Variants in LIG1 observed in about 807,000 individuals in gnomAD.
LIG1 encodes ligase I, DNA, ATP-dependent.
Under a neutral mutation model 115.7 loss-of-function variants are expected in LIG1, and 70 were observed. The observed-to-expected ratio is 0.60, with a 90% CI of 0.50 to 0.74. The LOEUF is 0.74. Ranked by LOEUF, LIG1 falls within the 30% of genes least tolerant of loss-of-function variation. The probability of loss-of-function intolerance (pLI) is 0.00; values close to 1 mark genes in which losing one functional copy is unlikely to be tolerated. For missense variants in LIG1, 1,115 were observed against 1,225.6 expected (o/e 0.91, Z 1.35); for synonymous variants, 487 against 495.3 (o/e 0.98, Z 0.22).
chr19:48,158,279 T>C (rs1432620136), intron 4 of LIG1, among the ~76,000 whole-genome samples: 1 of 152,122 alleles, frequency 6.6e-6, no homozygotes, highest in Admixed American at 6.5e-5. Context: ...TAATGTTGAG[T>C]GGGGTGCCCT....
intron 5 of LIG1, among the ~76,000 whole-genome samples, chr19:48,155,246 A>G (rs1896128810): frequency 6.6e-6 from 1 of 152,068 alleles, no homozygotes; most frequent in South Asian, 2.1e-4. Context: ...CAGGCTCCTT[A>G]GCTGGGAGTG....
At chr19:48,124,846 C>A (rs2122425114) in intron 21 of LIG1, among the ~76,000 whole-genome samples, 2 of 152,134 alleles carry the variant, frequency 1.3e-5, no homozygotes, top group South Asian at 4.1e-4. Flanking sequence ...GAAACCCCGA[C>A]TCTACTAAAA....
intron 16 of LIG1, among the ~76,000 whole-genome samples, chr19:48,135,203 G>A (rs540127242): frequency 7.2e-5 from 11 of 152,212 alleles, no homozygotes; most frequent in South Asian, 2.1e-4. Flanking sequence ...ACGCAGTGGC[G>A]TGATCTCAGC....
intron 4 of LIG1, among the ~76,000 whole-genome samples, chr19:48,160,677 A>C (rs191802714): frequency 1.1e-4 from 16 of 152,262 alleles, no homozygotes; most frequent in African/African-American, 2.9e-4. Context: ...TATTTGGAGA[A>C]GTTAAAAAGC....
intron 21 of LIG1, chr19:48,127,052 A>G: frequency 3.5e-6 from 2 of 564,190 alleles, no homozygotes; most frequent in Non-Finnish European, 6.4e-6. Flanking sequence ...GATCCACCTC[A>G]CGCCAATGTG....
At chr19:48,124,260 T>G (rs962772984) in intron 21 of LIG1, among the ~76,000 whole-genome samples, 1 of 152,172 alleles carries the variant, frequency 6.6e-6, no homozygotes, top group African/African-American at 2.4e-5. Context: ...ACATTTTGTA[T>G]GAAAAGATGA....
chr19:48,151,259 TG>T lies in LIG1; in HGVS notation c.546del (p.Thr183ArgfsTer6). The T allele has an allele frequency of 6.2e-7, 1 of 1,613,468 alleles. No individual in the cohort carries two copies. Among genetic ancestry groups the T allele is most frequent in the Non-Finnish European group, 8.5e-7 (1 of 1,179,634 alleles). On this transcript the variant is annotated frameshift_variant, in exon 7 of 28. Coordinates refer to ENST00000263274, the MANE Select transcript of LIG1 (RefSeq NM_000234.3). LOFTEE classifies it high-confidence loss of function. ...GAGGTCTTTAGGGGCTTGGGAGGCG[TG>T]GTGGGCTGGTCCCCGTCTTCTCCTT... is the stretch of plus-strand genomic sequence containing the variant. Reference protein sequence around the residue: ...EKEGEDGDQPTTPPKPLKTSK... With the variant: ...EKEGEDGDQPXTPPKPLKTSK...
intron 12 of LIG1, among the ~76,000 whole-genome samples, chr19:48,138,425 G>A (rs533076063): frequency 6.6e-5 from 10 of 152,244 alleles, no homozygotes; most frequent in Non-Finnish European, 1.5e-4. Context: ...ACAAGTGCGC[G>A]TTTCAGTCCA....
At chr19:48,151,416 C>A in intron 6 of LIG1, 77 bp from the exon 7 acceptor site, 1 of 872,998 alleles carries the variant, frequency 1.1e-6, no homozygotes, top group South Asian at 1.3e-5. Context: ...TGGAGACAGT[C>A]TGCCCTCATC....
At chr19:48,148,577 T>C (rs1186307964) in intron 9 of LIG1, among the ~76,000 whole-genome samples, 1 of 150,710 alleles carries the variant, frequency 6.6e-6, no homozygotes, top group East Asian at 2.0e-4. Context: ...CAATGTAAGG[T>C]GGACAGGGCT....
chr19:48,133,990 G>A lies in LIG1; in HGVS notation c.1600C>T (p.Leu534=), dbSNP rs2122577575. Residue 534 remains leucine (L), a synonymous_variant, in exon 17 of 28, where the codon CTG becomes TTG. Coordinates refer to ENST00000263274, the MANE Select transcript of LIG1 (RefSeq NM_000234.3). ...GLERLPEHCK[L]SPGIPLKPML... ...CCCCTGGGGCCTGTACCTGGGCTCA[G>A]CTTGCAGTGCTCCGGGAGACGTTCC... The A allele has an allele frequency of 1.3e-6, 2 of 1,554,030 alleles. No individual in the cohort carries two copies. The highest frequency in any genetic ancestry group is 2.4e-5 in the South Asian group (2 of 84,232).
intron 4 of LIG1, among the ~76,000 whole-genome samples, chr19:48,158,971 A>G (rs2036013193): frequency 6.6e-6 from 1 of 152,094 alleles, no homozygotes; most frequent in Admixed American, 6.5e-5. Context: ...TCAGTTACCT[A>G]TTTAACAACT....
At chr19:48,128,717 ATGTTG>A (rs1436464595) in intron 19 of LIG1, among the ~76,000 whole-genome samples, 9 of 152,296 alleles carry the variant, frequency 5.9e-5, no homozygotes, top group African/African-American at 2.2e-4. Context: ...GGCAGCATTC[ATGTTG>A]TATCCTGGAG....
Position 48,122,428 on chromosome 19 carries a change from C to T in LIG1, c.2232+506G>A, listed in dbSNP as rs535236789. ...TCACCTCCCGCCTCGCCTGCCCTTG[C>T]TCCCTGCACACGCAGAGGCTGCTCC... On this transcript the variant is annotated intron_variant, in intron 23 of 27. Transcript: ENST00000263274. The surrounding 1 kb of genome is among the most constrained non-coding windows in gnomAD (Gnocchi z 4.3). The T allele has an allele frequency of 5.2e-5, 11 of 212,932 alleles. No homozygotes were observed. The highest frequency in any genetic ancestry group is 8.6e-5 in the Non-Finnish European group (9 of 104,350). The allele number at this position is 212,932 out of a possible 1,614,324, so 13.2% of individuals were successfully genotyped here. A position where few individuals can be genotyped will look rare whatever the true frequency, so the allele number is the denominator to read the frequency against.
Position 48,131,062 on chromosome 19 carries a change from T to A in LIG1, c.1821+14A>T, listed in dbSNP as rs392891. 0.45 allele frequency: 715,894 copies of A among 1,607,394 alleles called. 163,625 individuals are homozygous for A. Among genetic ancestry groups the A allele is most frequent in the East Asian group, 0.77 (34,364 of 44,822 alleles). On this transcript the variant is annotated intron_variant, in intron 19 of 27. Transcript: ENST00000263274. ...CAGACCCTGGCAGAGTGCAAGTGTG[T>A]GGCAGACGCCCACCTTGGGGATGCG...
At chr19:48,123,145 C>A in intron 22 of LIG1, 29 bp downstream of exon 22, 1 of 1,613,990 alleles carries the variant, frequency 6.2e-7, no homozygotes, top group Non-Finnish European at 8.5e-7. Context: ...AAGCTGCAGA[C>A]CTCAGGAGAG....
Position 48,133,999 on chromosome 19 carries a change from G to A in LIG1, c.1591C>T (p.His531Tyr), listed in dbSNP as rs1452769399. ...CCTGTACCTGGGCTCAGCTTGCAGT[G>A]CTCCGGGAGACGTTCCAGGCCGTGC... The part of the protein sequence containing the change: ...LEHGLERLPE[H>Y]CKLSPGIPLK... Residue 531 changes from histidine (H) to tyrosine (Y), a missense_variant, in exon 17 of 28, where the codon CAC (histidine) becomes TAC (tyrosine). By Grantham distance (83) the His-to-Tyr change is moderately conservative (BLOSUM62 2). Transcript: ENST00000263274. 1 of 1,554,870 alleles carries A rather than the reference G, an allele frequency of 6.4e-7. No homozygotes were observed. Among genetic ancestry groups the A allele is most frequent in the Non-Finnish European group, 8.7e-7 (1 of 1,148,736 alleles).
chr19:48,135,609 C>A, intron 16 of LIG1, 71 bp downstream of exon 16: 1 of 1,249,394 alleles, frequency 8.0e-7, no homozygotes, highest in East Asian at 2.3e-5. Flanking sequence ...CCCACTGCTC[C>A]TCTGGCTCCA....
chr19:48,150,864 A>G (rs1423337385), intron 7 of LIG1, among the ~76,000 whole-genome samples: 1 of 151,498 alleles, frequency 6.6e-6, no homozygotes, highest in Non-Finnish European at 1.5e-5. Context: ...CACCCAGGTC[A>G]TTTTTGTATT....
Sources: gnomAD v4.1 joint callset for allele counts (sites outside exome capture counted in the v4.1 genomes callset) on GRCh38, gnomAD v4.1.1 for gene constraint, Gnocchi (gnomAD v3.1) non-coding constraint, MANE v1.5 for transcripts, NCBI Gene and HGNC (gene_info 2026-07-23, HGNC 2026-07-21) for gene names.